Variants in SERPINB2 observed in about 807,000 individuals in gnomAD.
The protein encoded by SERPINB2 is plasminogen activator inhibitor 2.
SERPINB2 carries 28 observed loss-of-function variants against 39.4 expected under a neutral mutation model. The observed-to-expected ratio is 0.71, with a 90% CI of 0.53 to 0.97. SERPINB2 has a LOEUF of 0.97. Ranked by LOEUF, SERPINB2 falls within the 50% of genes least tolerant of loss-of-function variation. The probability of loss-of-function intolerance (pLI) is 0.00; values close to 1 mark genes in which losing one functional copy is unlikely to be tolerated. For missense variants in SERPINB2, 557 were observed against 505.3 expected, an observed-to-expected ratio of 1.10 and a Z score of -0.98; for synonymous variants, 209 against 175.1, an observed-to-expected ratio of 1.19 and a Z score of -1.53.
chr18:63,899,411 C>T (rs2049979204), intron 5 of SERPINB2, among the ~76,000 whole-genome samples: 1 of 152,144 alleles, frequency 6.6e-6, no homozygotes, highest in African/African-American at 2.4e-5. Context: ...CAGTGAAAAT[C>T]CTTCATTCTT....
At chr18:63,892,366 C>A (rs1421869227) in intron 2 of SERPINB2, among the ~76,000 whole-genome samples, 2 of 152,132 alleles carry the variant, frequency 1.3e-5, no homozygotes, top group Non-Finnish European at 1.5e-5. Flanking sequence ...GGAGTCTGGG[C>A]CCTTGAAATT....
chr18:63,888,354 T>C lies in SERPINB2; in HGVS notation c.-10+584T>C, dbSNP rs528617132. On this transcript the variant is annotated intron_variant, in intron 1 of 7. Coordinates refer to ENST00000299502, the MANE Select transcript of SERPINB2 (RefSeq NM_002575.3). ...CAGCCAAAGTAGTTGCAGGGTTGAC[T>C]GAAGTATGGTTCAGTAAATAACTTA... 8.5e-5 allele frequency among the ~76,000 whole-genome samples: 13 copies of C among 152,328 alleles called. No homozygotes were observed. The South Asian group carries it at 2.7e-3, about 32-fold the overall frequency.
Position 63,902,985 on chromosome 18 carries a change from C to A in SERPINB2, c.928C>A (p.Pro310Thr), listed in dbSNP as rs964671939. 3 of 1,613,764 alleles carry A rather than the reference C, an allele frequency of 1.9e-6. No individual in the cohort carries two copies. Among genetic ancestry groups the A allele is most frequent in the Non-Finnish European group, 2.5e-6 (3 of 1,179,788 alleles). The stretch of plus-strand genomic sequence containing the variant: ...TGAAGATGAAGTTGAGGTATACATA[C>A]CCCAGTTCAAATTAGAAGAGCATTA... Reference protein sequence around the residue: ...MAEDEVEVYIPQFKLEEHYEL... With the variant: ...MAEDEVEVYITQFKLEEHYEL... Residue 310 changes from proline (P) to threonine (T), a missense_variant, in exon 8 of 8, where the codon CCC becomes ACC. Pro to Thr is a conservative substitution (Grantham distance 38). Transcript: ENST00000299502.
intron 5 of SERPINB2, among the ~76,000 whole-genome samples, chr18:63,901,518 A>C (rs1340433196): frequency 6.6e-6 from 1 of 152,164 alleles, no homozygotes; most frequent in East Asian, 1.9e-4. Context: ...AGGCGGTCTA[A>C]ATTTTAAATG....
At chr18:63,896,403 A>G (rs1048979837) in intron 3 of SERPINB2, among the ~76,000 whole-genome samples, 1 of 122,688 alleles carries the variant, frequency 8.2e-6, no homozygotes, top group Non-Finnish European at 1.7e-5. Flanking sequence ...AGTTTGCCCC[A>G]TAAAATAGGT....
In SERPINB2 at chr18:63,903,072, A is replaced by G; in HGVS notation, c.1015A>G (p.Asn339Asp). 2 of 1,613,722 alleles carry G rather than the reference A, an allele frequency of 1.2e-6. No homozygotes were observed. Among genetic ancestry groups the G allele is most frequent in the East Asian group, 2.2e-5 (1 of 44,848 alleles). The stretch of plus-strand genomic sequence containing the variant: ...GGACGCCTTCAACAAGGGACGGGCC[A>G]ATTTCTCAGGGATGTCGGAGAGGAA... ...MEDAFNKGRA[N>D]FSGMSERNDL... Residue 339 changes from asparagine (N) to aspartate (D), a missense_variant, in exon 8 of 8, where the codon AAT becomes GAT. Coordinates refer to ENST00000299502, the MANE Select transcript of SERPINB2 (RefSeq NM_002575.3).
intron 2 of SERPINB2, among the ~76,000 whole-genome samples, chr18:63,893,595 G>A (rs1218308216): frequency 6.6e-6 from 1 of 152,212 alleles, no homozygotes; most frequent in East Asian, 1.9e-4. Flanking sequence ...ACGTATCTGT[G>A]TTTGAGTCAT....
At chr18:63,902,844 T>A (rs1347853481) in intron 7 of SERPINB2, 57 bp from the exon 8 acceptor site, 1 of 1,453,758 alleles carries the variant, frequency 6.9e-7, no homozygotes, top group Non-Finnish European at 9.1e-7. Flanking sequence ...TTGTTTTCCT[T>A]CTTTCTAATA....
chr18:63,888,703 T>C (rs2049907462), intron 1 of SERPINB2, among the ~76,000 whole-genome samples: 1 of 152,236 alleles, frequency 6.6e-6, no homozygotes, highest in Non-Finnish European at 1.5e-5. Context: ...TGTCAACTTG[T>C]GTTGCAGGAA....
At position 63,903,205 on chromosome 18, in the gene SERPINB2, A is replaced by T. The variant is rs900292382; in HGVS notation, c.1148A>T (p.His383Leu). ...GGTGTTATGACAGGGAGAACTGGAC[A>T]TGGAGGCCCACAGTTTGTGGCAGAT... is the stretch of plus-strand genomic sequence containing the variant. Reference protein sequence around the residue: ...TGGVMTGRTGHGGPQFVADHP... With the variant: ...TGGVMTGRTGLGGPQFVADHP... Residue 383 changes from histidine (H) to leucine (L), a missense_variant, in exon 8 of 8, where the codon CAT becomes CTT. Transcript: ENST00000299502. 1.2e-6 allele frequency: 2 copies of T among 1,613,152 alleles called. No individual in the cohort carries two copies. Among genetic ancestry groups the T allele is most frequent in the Non-Finnish European group, 1.7e-6 (2 of 1,179,524 alleles).
intron 2 of SERPINB2, chr18:63,892,849 AT>A (rs376176823): frequency 2.0e-5 from 3 of 152,132 alleles, no homozygotes; most frequent in Non-Finnish European, 4.4e-5. Flanking sequence ...TTTCCCCATT[AT>A]TTTTTATTTT....
chr18:63,899,985 G>A (rs898139864), intron 5 of SERPINB2, among the ~76,000 whole-genome samples: 17 of 152,160 alleles, frequency 1.1e-4, no homozygotes, highest in Non-Finnish European at 5.9e-5. Flanking sequence ...CACAAAGGAA[G>A]CAGAGAAAGA....
At chr18:63,893,231 G>T (rs1407888941) in intron 2 of SERPINB2, among the ~76,000 whole-genome samples, 1 of 152,080 alleles carries the variant, frequency 6.6e-6, no homozygotes, top group Non-Finnish European at 1.5e-5. Flanking sequence ...CCCGGCCTAG[G>T]TTTTTTTGTT....
At chr18:63,894,282 CA>C (rs2049945095) in intron 2 of SERPINB2, among the ~76,000 whole-genome samples, 1 of 152,100 alleles carries the variant, frequency 6.6e-6, no homozygotes, top group African/African-American at 2.4e-5. Context: ...GGAGTTGCAC[CA>C]CTTCTTTTCA....
chr18:63,895,161 GA>G, intron 2 of SERPINB2, 102 bp from the exon 3 acceptor site: 1 of 1,377,326 alleles, frequency 7.3e-7, no homozygotes, highest in Non-Finnish European at 1.0e-6. Context: ...TAAGGGAAGG[GA>G]AAAGATCTAG....
intron 5 of SERPINB2, among the ~76,000 whole-genome samples, chr18:63,899,258 C>G (rs1447264062): frequency 6.6e-6 from 1 of 151,962 alleles, no homozygotes; most frequent in Non-Finnish European, 1.5e-5. Context: ...TTAGTGTTAG[C>G]CATATATGGC....
chr18:63,895,492 C>A, intron 3 of SERPINB2, 109 bp downstream of exon 3: 1 of 1,354,668 alleles, frequency 7.4e-7, no homozygotes, highest in Non-Finnish European at 1.0e-6. Context: ...CTCCCCCATT[C>A]ACAGAAAGAA....
chr18:63,896,154 A>C (rs886953686), intron 3 of SERPINB2, among the ~76,000 whole-genome samples: 3 of 152,082 alleles, frequency 2.0e-5, no homozygotes, highest in Non-Finnish European at 4.4e-5. Context: ...AGCTCCTTCT[A>C]CCCATTGCCC....
chr18:63,902,705 T>A (rs2050000602), intron 7 of SERPINB2, 137 bp downstream of exon 7: 1 of 1,059,256 alleles, frequency 9.4e-7, no homozygotes, highest in African/African-American at 1.6e-5. Flanking sequence ...ATGGCATGCC[T>A]CTACATTTCA....
Sources: gnomAD v4.1 joint callset for allele counts (sites outside exome capture counted in the v4.1 genomes callset) on GRCh38, gnomAD v4.1.1 for gene constraint, MANE v1.5 for transcripts, NCBI Gene and HGNC (gene_info 2026-07-23, HGNC 2026-07-21) for gene names.